Variants in CNTN4 observed in about 807,000 individuals in gnomAD.
CNTN4 encodes the protein contactin-4.
In CNTN4, 77 loss-of-function variants were observed where a neutral mutation model predicts 122.5. The ratio of observed to expected loss-of-function variants is 0.63; its 90% CI spans 0.52 to 0.76. The LOEUF is 0.76. Ranked by LOEUF, CNTN4 falls within the 30% of genes least tolerant of loss-of-function variation. The pLI is 0.00. For missense variants in CNTN4, 1,256 were observed against 1,259.1 expected (o/e 1.00, Z 0.04); for synonymous variants, 512 against 447.0 (o/e 1.15, Z -1.83).
intron 3 of CNTN4, among the ~76,000 whole-genome samples, chr3:2,545,774 T>G (rs1311223652): frequency 6.6e-6 from 1 of 151,966 alleles, no homozygotes; most frequent in Non-Finnish European, 1.5e-5. Context: ...GCATGTGAGG[T>G]AGGCCTCTCT....
rs79759723 is a variant in CNTN4, at chr3:2,957,623, A to T, written c.1359-30722A>T. Among the ~76,000 whole-genome samples, 532 of 152,060 alleles carry T rather than the reference A, an allele frequency of 3.5e-3. 3 individuals are homozygous for T. The highest frequency in any genetic ancestry group is 0.012 in the African/African-American group (503 of 41,532). ...CTTCCCCACTCTAACAGTTCCCAGC[A>T]TCTGTTTTTCTCATTCTATGTCCAT... On this transcript the variant is annotated intron_variant, in intron 13 of 24. Coordinates refer to ENST00000418658, the MANE Select transcript of CNTN4 (RefSeq NM_175607.3).
intron 13 of CNTN4, chr3:2,927,488 C>CCA (rs2094484447): frequency 6.4e-6 from 2 of 313,730 alleles, no homozygotes; most frequent in Non-Finnish European, 1.3e-5. Context: ...CATGTTCCTG[C>CCA]AACTCAGCAG....
At chr3:2,961,815 C>T (rs2094862718) in intron 13 of CNTN4, among the ~76,000 whole-genome samples, 1 of 152,154 alleles carries the variant, frequency 6.6e-6, no homozygotes, top group Non-Finnish European at 1.5e-5. Context: ...ACAAAGCCAT[C>T]CATTTAGATA....
At chr3:2,623,192 G>A (rs528973502) in intron 4 of CNTN4, among the ~76,000 whole-genome samples, 83 of 151,308 alleles carry the variant, frequency 5.5e-4, no homozygotes, top group African/African-American at 1.7e-3. Context: ...CCTGCAAATA[G>A]TAAATATTAG....
intron 3 of CNTN4, among the ~76,000 whole-genome samples, chr3:2,534,974 A>G (rs905631283): frequency 8.5e-5 from 13 of 152,090 alleles, no homozygotes; most frequent in African/African-American, 2.9e-4. Flanking sequence ...CTATCTTTGC[A>G]TGCAGTGTAA....
chr3:2,886,512 A>AG (rs2093981011), intron 9 of CNTN4, among the ~76,000 whole-genome samples: 1 of 122,246 alleles, frequency 8.2e-6, no homozygotes, highest in Non-Finnish European at 1.7e-5. Context: ...GAGATAGATC[A>AG]CTTTTTTTTT....
intron 2 of CNTN4, among the ~76,000 whole-genome samples, chr3:2,210,928 A>T (rs1294854538): frequency 1.3e-5 from 2 of 152,238 alleles, no homozygotes; most frequent in Non-Finnish European, 2.9e-5. Flanking sequence ...TTTAGCCCAT[A>T]AAACAATTTT....
chr3:2,387,365 A>C, intron 3 of CNTN4, among the ~76,000 whole-genome samples: 1 of 150,390 alleles, frequency 6.6e-6, no homozygotes, highest in East Asian at 1.9e-4. Context: ...ATCTTTATTA[A>C]GAGTAAAAAG....
intron 3 of CNTN4, among the ~76,000 whole-genome samples, chr3:2,539,791 TTG>T (rs2149288337): frequency 6.6e-6 from 1 of 152,248 alleles, no homozygotes; most frequent in Admixed American, 6.6e-5. Flanking sequence ...TATAGAATCT[TTG>T]AGATAAAATG....
At chr3:2,500,198 A>G (rs1341380548) in intron 3 of CNTN4, among the ~76,000 whole-genome samples, 4 of 152,080 alleles carry the variant, frequency 2.6e-5, no homozygotes, top group African/African-American at 9.7e-5. Context: ...CTTCCCCTGA[A>G]TAATACCAGG....
At chr3:2,442,350 T>C (rs2048471127) in intron 3 of CNTN4, among the ~76,000 whole-genome samples, 1 of 152,166 alleles carries the variant, frequency 6.6e-6, no homozygotes, top group Non-Finnish European at 1.5e-5. Context: ...ACTGTAAAGA[T>C]TTAAGCAGAT....
At chr3:2,535,855 T>A (rs957519488) in intron 3 of CNTN4, among the ~76,000 whole-genome samples, 3 of 152,160 alleles carry the variant, frequency 2.0e-5, no homozygotes, top group Non-Finnish European at 2.9e-5. Flanking sequence ...TAGTACACTT[T>A]CAAAATGTTT....
intron 3 of CNTN4, among the ~76,000 whole-genome samples, chr3:2,530,683 G>A (rs1045981118): frequency 9.2e-5 from 14 of 152,036 alleles, no homozygotes; most frequent in Non-Finnish European, 1.5e-4. Context: ...TTGTATGTTA[G>A]CATTGTCTTT....
intron 14 of CNTN4, among the ~76,000 whole-genome samples, chr3:3,014,948 G>T (rs1697609332): frequency 1.3e-5 from 2 of 148,792 alleles, no homozygotes; most frequent in South Asian, 4.3e-4. Context: ...CTCTAGTGTG[G>T]AAGATTGGAC....
chr3:2,781,079 G>A (rs1329597751), intron 6 of CNTN4, among the ~76,000 whole-genome samples: 1 of 152,162 alleles, frequency 6.6e-6, no homozygotes, highest in Non-Finnish European at 1.5e-5. Flanking sequence ...TATACATGGA[G>A]TGGTGAGGTT....
At chr3:3,033,364 T>C (rs1235161906) in intron 16 of CNTN4, among the ~76,000 whole-genome samples, 1 of 152,158 alleles carries the variant, frequency 6.6e-6, no homozygotes, top group Non-Finnish European at 1.5e-5. Context: ...AGAAGATAAA[T>C]TTAGTCTCAC....
At chr3:2,946,846 C>G (rs2094684461) in intron 13 of CNTN4, among the ~76,000 whole-genome samples, 1 of 151,888 alleles carries the variant, frequency 6.6e-6, no homozygotes, top group Non-Finnish European at 1.5e-5. Flanking sequence ...GCTGGGACCA[C>G]AAGTGCACAC....
chr3:2,439,993 G>C (rs2048377366), intron 3 of CNTN4, among the ~76,000 whole-genome samples: 1 of 152,224 alleles, frequency 6.6e-6, no homozygotes, highest in African/African-American at 2.4e-5. Context: ...AAAGCCTCTG[G>C]CAATAAGTAA....
intron 4 of CNTN4, among the ~76,000 whole-genome samples, chr3:2,704,778 A>G (rs879605219): frequency 9.9e-5 from 15 of 152,218 alleles, no homozygotes; most frequent in Non-Finnish European, 1.9e-4. Flanking sequence ...GAGATGTTCA[A>G]TACAATACTT....
Sources: gnomAD v4.1 joint callset for allele counts (sites outside exome capture counted in the v4.1 genomes callset) on GRCh38, gnomAD v4.1.1 for gene constraint, MANE v1.5 for transcripts, NCBI Gene and HGNC (gene_info 2026-07-23, HGNC 2026-07-21) for gene names.